The following MSRA variants were observed in gnomAD, a reference collection of about 807,000 sequenced individuals.
MSRA encodes the protein mitochondrial peptide methionine sulfoxide reductase.
Under a neutral mutation model 31.3 loss-of-function variants are expected in MSRA, and 54 were observed. The observed-to-expected ratio is 1.73, with a 90% CI of 1.39 to 2.17. The LOEUF is 2.17. MSRA is among the 30% of genes most tolerant of loss of function. The pLI, the probability that MSRA is intolerant of heterozygous loss-of-function variation, is 0.00. For synonymous variants in MSRA, 169 were observed against 116.5 expected (o/e 1.45, Z -2.90); for missense variants, 507 against 300.9 (o/e 1.69, Z -5.07).
intron 1 of MSRA, among the ~76,000 whole-genome samples, chr8:10,190,422 C>G (rs1237577586): frequency 6.6e-6 from 1 of 152,192 alleles, no homozygotes; most frequent in Admixed American, 6.5e-5. Context: ...CTGGACACCC[C>G]CAGCACGTCA....
intron 1 of MSRA, among the ~76,000 whole-genome samples, chr8:10,088,120 T>G (rs1327677575): frequency 6.6e-6 from 1 of 152,210 alleles, no homozygotes; most frequent in Non-Finnish European, 1.5e-5. Flanking sequence ...CTGTTCATTT[T>G]GACTTCCTGT....
At chr8:10,354,645 G>T (rs373494981) in intron 5 of MSRA, among the ~76,000 whole-genome samples, 2 of 151,348 alleles carry the variant, frequency 1.3e-5, no homozygotes, top group African/African-American at 2.4e-5. Context: ...CAAATGCATC[G>T]GTGAAGGTAT....
intron 5 of MSRA, among the ~76,000 whole-genome samples, chr8:10,384,358 C>T (rs775292126): frequency 2.6e-5 from 4 of 152,206 alleles, no homozygotes; most frequent in African/African-American, 9.7e-5. Flanking sequence ...AGAGCTCCTG[C>T]CTTTGGAGCA....
chr8:10,427,170 G>A (rs1262176688), intron 5 of MSRA, among the ~76,000 whole-genome samples: 1 of 152,202 alleles, frequency 6.6e-6, no homozygotes, highest in Non-Finnish European at 1.5e-5. Flanking sequence ...CATGGGTCCT[G>A]GCTCTGCTTT....
chr8:10,091,399 C>A (rs192706310), intron 1 of MSRA, among the ~76,000 whole-genome samples: 8 of 152,248 alleles, frequency 5.3e-5, no homozygotes, highest in East Asian at 1.9e-4. Flanking sequence ...TCACATATTG[C>A]AGAATCTTAT....
intron 5 of MSRA, among the ~76,000 whole-genome samples, chr8:10,364,755 C>A (rs1001477116): frequency 5.3e-5 from 8 of 152,208 alleles, no homozygotes; most frequent in African/African-American, 1.9e-4. Context: ...TGCCAGATAT[C>A]ACGTGTACTG....
chr8:10,151,261 CAAAAAAA>C (rs34388218), intron 1 of MSRA, among the ~76,000 whole-genome samples: 6 of 109,146 alleles, frequency 5.5e-5, no homozygotes, highest in African/African-American at 1.4e-4. Context: ...GAGTCTGTCT[CAAAAAAA>C]AAAAAAAAAA....
chr8:10,201,315 A>G (rs17151307), intron 1 of MSRA, among the ~76,000 whole-genome samples: 5,343 of 152,084 alleles, frequency 0.035, 137 homozygotes, highest in African/African-American at 0.062. Flanking sequence ...ACCCGATGAG[A>G]TTGTACTTCT....
chr8:10,125,114 C>G (rs568125318), intron 1 of MSRA, among the ~76,000 whole-genome samples: 2 of 152,300 alleles, frequency 1.3e-5, no homozygotes, highest in Admixed American at 6.5e-5. Flanking sequence ...GATAAGACTT[C>G]CAGATTTTGA....
At chr8:10,264,582 G>C (rs1798648664) in intron 3 of MSRA, among the ~76,000 whole-genome samples, 1 of 152,192 alleles carries the variant, frequency 6.6e-6, no homozygotes, top group Non-Finnish European at 1.5e-5. Context: ...CAGGGAGCTG[G>C]CTGTCGGGAA....
chr8:10,289,358 A>C (rs942073922), intron 3 of MSRA, among the ~76,000 whole-genome samples: 8 of 152,010 alleles, frequency 5.3e-5, no homozygotes, highest in Admixed American at 5.2e-4. Flanking sequence ...TTTATGGGGT[A>C]TACGAGATGA....
chr8:10,129,247 A>G (rs1012444140), intron 1 of MSRA, among the ~76,000 whole-genome samples: 4 of 152,178 alleles, frequency 2.6e-5, no homozygotes, highest in Middle Eastern at 3.4e-3. Context: ...CTGCATGACT[A>G]TCATTGGTAG....
chr8:10,256,065 A>G (rs1188016619), intron 3 of MSRA, among the ~76,000 whole-genome samples: 1 of 152,130 alleles, frequency 6.6e-6, no homozygotes, highest in African/African-American at 2.4e-5. Context: ...ACCTGTGTCC[A>G]CCATGAAGTT....
At chr8:10,307,753 C>T (rs1023531291) in intron 4 of MSRA, among the ~76,000 whole-genome samples, 9 of 152,180 alleles carry the variant, frequency 5.9e-5, no homozygotes, top group Non-Finnish European at 1.2e-4. Context: ...CCGGTATACT[C>T]CTTGGGGAGC....
At chr8:10,187,191 C>A (rs935605460) in intron 1 of MSRA, among the ~76,000 whole-genome samples, 1 of 152,182 alleles carries the variant, frequency 6.6e-6, no homozygotes, top group African/African-American at 2.4e-5. Flanking sequence ...GATTGAGCCC[C>A]CTTTGACATT....
intron 1 of MSRA, among the ~76,000 whole-genome samples, chr8:10,202,214 T>C (rs1203941300): frequency 6.6e-6 from 1 of 152,248 alleles, no homozygotes; most frequent in East Asian, 1.9e-4. Context: ...AAAGGATCTT[T>C]GGTTCTTTGG....
chr8:10,218,957 A>C (rs1260805885), intron 2 of MSRA, among the ~76,000 whole-genome samples: 1 of 152,162 alleles, frequency 6.6e-6, no homozygotes, highest in African/African-American at 2.4e-5. Flanking sequence ...AGCTCTCTCC[A>C]CGGAGCAGCG....
chr8:10,270,524 C>T (rs1263675127), intron 3 of MSRA, among the ~76,000 whole-genome samples: 2 of 152,068 alleles, frequency 1.3e-5, no homozygotes, highest in African/African-American at 4.8e-5. Context: ...GCCAGCTTGA[C>T]AGCAGTCATG....
Position 10,117,603 on chromosome 8 carries a change from A to T in MSRA, c.142+62945A>T, listed in dbSNP as rs537683146. 5.7e-4 allele frequency among the ~76,000 whole-genome samples: 87 copies of T among 152,364 alleles called. 1 individual carries two copies. Among genetic ancestry groups the T allele is most frequent in the African/African-American group, 1.9e-3 (77 of 41,586 alleles). ...TTACAAATCAAATTAAGTATCTTTT[A>T]TATATAGATATAGATAGTCTGTAAT... On this transcript the variant is annotated intron_variant, in intron 1 of 5. Coordinates refer to ENST00000317173, the MANE Select transcript of MSRA (RefSeq NM_012331.5).
Sources: gnomAD v4.1 joint callset for allele counts (sites outside exome capture counted in the v4.1 genomes callset) on GRCh38, gnomAD v4.1.1 for gene constraint, MANE v1.5 for transcripts, NCBI Gene and HGNC (gene_info 2026-07-23, HGNC 2026-07-21) for gene names.